KIF26B: variants seen among roughly 807,000 people sequenced by gnomAD.
KIF26B encodes kinesin family member 26B, also known as kinesin-like protein KIF26B.
A neutral mutation model predicts 151.2 loss-of-function variants in KIF26B; 63 were observed. The observed-to-expected ratio is 0.42, with a 90% CI of 0.34 to 0.51. The LOEUF (loss-of-function observed/expected upper bound fraction) is 0.51. Among genes scored for constraint, KIF26B ranks in the 20% least tolerant of loss-of-function variants. The pLI is 0.07. For missense variants in KIF26B, 2,813 were observed against 2,913.6 expected (o/e 0.97, Z 0.79); for synonymous variants, 1,357 against 1,262.1 (o/e 1.08, Z -1.59).
At chr1:245,356,005 G>C (rs763603242) in intron 2 of KIF26B, among the ~76,000 whole-genome samples, 1 of 152,110 alleles carries the variant, frequency 6.6e-6, no homozygotes, top group East Asian at 1.9e-4. Context: ...TCGTCAGCAC[G>C]CAGATTCCAG....
At chr1:245,191,092 TAAG>T (rs1454756061) in intron 2 of KIF26B, among the ~76,000 whole-genome samples, 3 of 126,598 alleles carry the variant, frequency 2.4e-5, no homozygotes, top group Non-Finnish European at 4.9e-5. Context: ...AAAAAAGAGA[TAAG>T]AACCAGATAT....
chr1:245,644,180 G>T (rs1017811967), intron 9 of KIF26B, among the ~76,000 whole-genome samples: 2 of 151,110 alleles, frequency 1.3e-5, no homozygotes. Flanking sequence ...TTTATTTGTT[G>T]TTTTTTTTCC....
chr1:245,444,113 C>T (rs1659189856), intron 4 of KIF26B, among the ~76,000 whole-genome samples: 1 of 83,372 alleles, frequency 1.2e-5, no homozygotes, highest in Non-Finnish European at 2.9e-5. Context: ...TCACTGTTCA[C>T]CTAGAGCGGT....
At chr1:245,363,003 C>G (rs1436843172) in intron 2 of KIF26B, among the ~76,000 whole-genome samples, 1 of 152,150 alleles carries the variant, frequency 6.6e-6, no homozygotes, top group Non-Finnish European at 1.5e-5. Flanking sequence ...CAGGATGGAT[C>G]AGAGCTAGGT....
At chr1:245,561,750 T>C (rs147500584) in intron 5 of KIF26B, among the ~76,000 whole-genome samples, 1 of 152,342 alleles carries the variant, frequency 6.6e-6, no homozygotes, top group Non-Finnish European at 1.5e-5. Flanking sequence ...GCATGCTGCA[T>C]CTCTGCATGC....
At chr1:245,486,480 T>C (rs1660283289) in intron 4 of KIF26B, among the ~76,000 whole-genome samples, 1 of 152,210 alleles carries the variant, frequency 6.6e-6, no homozygotes, top group African/African-American at 2.4e-5. Flanking sequence ...AATAATTTCA[T>C]ATATACTATC....
At chr1:245,475,173 T>C (rs1314152464) in intron 4 of KIF26B, among the ~76,000 whole-genome samples, 2 of 151,888 alleles carry the variant, frequency 1.3e-5, no homozygotes, top group Non-Finnish European at 2.9e-5. Context: ...TGATTGGCAC[T>C]GGAGCACCCA....
chr1:245,226,669 G>A (rs963370138), intron 2 of KIF26B, among the ~76,000 whole-genome samples: 1 of 152,066 alleles, frequency 6.6e-6, no homozygotes, highest in Non-Finnish European at 1.5e-5. Context: ...CTCCATGTTG[G>A]TCAGGCTGGT....
chr1:245,197,444 A>T (rs1411373851), intron 2 of KIF26B, among the ~76,000 whole-genome samples: 1 of 151,998 alleles, frequency 6.6e-6, no homozygotes. Context: ...GACAGTGGAG[A>T]CTGATCTTTT....
chr1:245,212,476 C>T (rs1669558104), intron 2 of KIF26B, among the ~76,000 whole-genome samples: 1 of 152,218 alleles, frequency 6.6e-6, no homozygotes, highest in African/African-American at 2.4e-5. Flanking sequence ...CCCACATTGA[C>T]ACAAGAGATG....
rs957413468 is a variant in KIF26B at position 245,686,410 on chromosome 1, G to A, written c.3427G>A (p.Gly1143Arg). The A allele has an allele frequency of 6.2e-7, 1 of 1,613,342 alleles. No individual in the cohort carries two copies. Among genetic ancestry groups the A allele is most frequent in the African/African-American group, 1.3e-5 (1 of 74,926 alleles). ...PQVLKKSMSA[G>R]SEGFPETPVD... ...GGTTTTGAAAAAATCCATGTCTGCT[G>A]GGAGCGAAGGGTTCCCGGAAACTCC... is the stretch of plus-strand genomic sequence containing the variant. The change falls in exon 12 of 15, where the codon GGG (glycine) becomes AGG (arginine). Residue 1143 changes from glycine (G) to arginine (R), a missense_variant. Gly to Arg is a moderately radical substitution (Grantham distance 125). Coordinates refer to ENST00000407071, the MANE Select transcript of KIF26B (RefSeq NM_018012.4). This position sits in a 1 kb window ranked among gnomAD's most constrained non-coding sequence, Gnocchi z 5.6.
chr1:245,523,642 C>T lies in KIF26B; in HGVS notation c.1167-17125C>T, dbSNP rs185704025. 5.3e-5 allele frequency among the ~76,000 whole-genome samples: 8 copies of T among 152,326 alleles called. 1 individual carries two copies. Among genetic ancestry groups the T allele is most frequent in the Admixed American group, 5.2e-4 (8 of 15,302 alleles). Reference sequence around the variant, plus strand: ...TCACATGGCAGAAGGGGCAAACAAGCTCCCTGGGCTCCTTTTTTAAGGGCA... The same window carrying T: ...TCACATGGCAGAAGGGGCAAACAAGTTCCCTGGGCTCCTTTTTTAAGGGCA... On this transcript the variant is annotated intron_variant, in intron 4 of 14. Transcript: ENST00000407071.
intron 9 of KIF26B, among the ~76,000 whole-genome samples, chr1:245,644,999 AGAGAGAGCAG>A (rs1168111316): frequency 6.6e-6 from 1 of 152,146 alleles, no homozygotes; most frequent in East Asian, 1.9e-4. Context: ...TCACATGGCA[AGAGAGAGCAG>A]GAGAGAGAAG....
intron 5 of KIF26B, among the ~76,000 whole-genome samples, chr1:245,556,710 G>T (rs149456006): frequency 3.7e-5 from 5 of 135,404 alleles, no homozygotes; most frequent in African/African-American, 1.3e-4. Context: ...TGTTTTTGTT[G>T]TTGTTGTTGT....
intron 5 of KIF26B, among the ~76,000 whole-genome samples, chr1:245,569,927 ATTTTTTTTTTTTT>A (rs869238168): frequency 4.2e-5 from 2 of 47,652 alleles, no homozygotes; most frequent in Non-Finnish European, 7.5e-5. Flanking sequence ...TAAATAGAGA[ATTTTTTTTTTTTT>A]TTTTTTTTTT....
chr1:245,358,888 T>C lies in KIF26B; in HGVS notation c.466-7946T>C, dbSNP rs570151222. Among the ~76,000 whole-genome samples, 7 of 152,330 alleles carry C rather than the reference T, an allele frequency of 4.6e-5. No individual in the cohort carries two copies. The highest frequency in any genetic ancestry group is 1.4e-4 in the African/African-American group (6 of 41,582). On this transcript the variant is annotated intron_variant, in intron 2 of 14. Coordinates refer to ENST00000407071, the MANE Select transcript of KIF26B (RefSeq NM_018012.4). The surrounding 1 kb of genome is among the most constrained non-coding windows in gnomAD (Gnocchi z 4.1). ...TAAGGGAAACATTTTAAGTACGTAG[T>C]AGGAATCTACTTTCCCATCTTAAGC...
intron 5 of KIF26B, among the ~76,000 whole-genome samples, chr1:245,567,969 C>T (rs759484616): frequency 4.0e-5 from 6 of 151,706 alleles, no homozygotes; most frequent in Non-Finnish European, 7.4e-5. Flanking sequence ...AGATCACCTG[C>T]GGTCTGGAGT....
At chr1:245,619,479 T>C (rs1343196093) in intron 9 of KIF26B, among the ~76,000 whole-genome samples, 2 of 151,984 alleles carry the variant, frequency 1.3e-5, no homozygotes, top group East Asian at 3.9e-4. Flanking sequence ...GTGCCTATAA[T>C]CCCAGCTACT....
intron 9 of KIF26B, among the ~76,000 whole-genome samples, chr1:245,636,657 C>T (rs1016474947): frequency 6.6e-6 from 1 of 151,960 alleles, no homozygotes; most frequent in Non-Finnish European, 1.5e-5. Context: ...ACCCTCTGCC[C>T]TTCCCTTCCC....
Sources: gnomAD v4.1 joint callset for allele counts (sites outside exome capture counted in the v4.1 genomes callset) on GRCh38, gnomAD v4.1.1 for gene constraint, Gnocchi (gnomAD v3.1) non-coding constraint, MANE v1.5 for transcripts, NCBI Gene and HGNC (gene_info 2026-07-23, HGNC 2026-07-21) for gene names.